The following PRKG1 variants were observed in gnomAD, a reference collection of about 807,000 sequenced individuals.
PRKG1 encodes the protein cGMP-dependent protein kinase 1.
In PRKG1, 35 loss-of-function variants were observed where a neutral mutation model predicts 88.1. The observed-to-expected ratio is 0.40, with a 90% CI of 0.30 to 0.53. The LOEUF (loss-of-function observed/expected upper bound fraction) is 0.53, where lower values mean the gene tolerates loss of function less well. PRKG1 is among the 20% of genes least tolerant of loss of function. The probability of loss-of-function intolerance (pLI) is 0.59; values close to 1 mark genes in which losing one functional copy is unlikely to be tolerated. For missense variants in PRKG1, 540 were observed against 839.8 expected (o/e 0.64, Z 4.41); for synonymous variants, 303 against 292.5 (o/e 1.04, Z -0.37).
chr10:51,799,663 T>C (rs184705696), intron 3 of PRKG1, among the ~76,000 whole-genome samples: 1 of 152,118 alleles, frequency 6.6e-6, no homozygotes, highest in East Asian at 1.9e-4. Flanking sequence ...AATGGCTGTT[T>C]ACTAAATAGT....
chr10:52,007,274 C>G (rs1212921225), intron 5 of PRKG1, among the ~76,000 whole-genome samples: 3 of 152,128 alleles, frequency 2.0e-5, no homozygotes, highest in Non-Finnish European at 2.9e-5. Context: ...CCACATGTAT[C>G]AAAACTAACC....
At chr10:51,125,568 G>A (rs1395310528) in intron 1 of PRKG1, among the ~76,000 whole-genome samples, 1 of 149,270 alleles carries the variant, frequency 6.7e-6, no homozygotes, top group African/African-American at 2.4e-5. Flanking sequence ...TGTAATCCCA[G>A]CTACTTGGGA....
intron 2 of PRKG1, among the ~76,000 whole-genome samples, chr10:51,232,845 G>A (rs990392938): frequency 6.6e-6 from 1 of 152,136 alleles, no homozygotes; most frequent in East Asian, 1.9e-4. Flanking sequence ...AGTGTCAGCT[G>A]CACTTATCAG....
At chr10:51,591,242 A>T (rs1432659885) in intron 3 of PRKG1, among the ~76,000 whole-genome samples, 1 of 152,218 alleles carries the variant, frequency 6.6e-6, no homozygotes, top group African/African-American at 2.4e-5. Context: ...AGTTCTAAGA[A>T]AAGACATTTA....
At chr10:51,690,007 T>G (rs67262175) in intron 3 of PRKG1, among the ~76,000 whole-genome samples, 28,848 of 152,042 alleles carry the variant, frequency 0.19, 3,104 homozygotes, top group African/African-American at 0.29. Flanking sequence ...TTGGCTCATG[T>G]TTCTGCAGGC....
chr10:52,129,959 A>T (rs892922838), intron 7 of PRKG1, among the ~76,000 whole-genome samples: 1 of 152,158 alleles, frequency 6.6e-6, no homozygotes, highest in African/African-American at 2.4e-5. Context: ...GGACAGCCAG[A>T]TCTGTGTTCA....
At chr10:51,672,940 A>G (rs142450411) in intron 3 of PRKG1, among the ~76,000 whole-genome samples, 2,093 of 152,294 alleles carry the variant, frequency 0.014, 19 homozygotes, top group Non-Finnish European at 0.021. Flanking sequence ...TCATAGGCAC[A>G]TGATTTGTTC....
chr10:51,165,177 C>A (rs1846501350), intron 2 of PRKG1, among the ~76,000 whole-genome samples: 1 of 152,098 alleles, frequency 6.6e-6, no homozygotes, highest in Non-Finnish European at 1.5e-5. Context: ...AAAGGGAAGC[C>A]CATCAGACTA....
intron 2 of PRKG1, among the ~76,000 whole-genome samples, chr10:51,458,918 A>C (rs963222776): frequency 2.6e-5 from 4 of 152,162 alleles, no homozygotes; most frequent in South Asian, 2.1e-4. Flanking sequence ...TTTGATATAC[A>C]TAGGTGTCAT....
At chr10:51,226,891 A>G (rs1159823080) in intron 2 of PRKG1, among the ~76,000 whole-genome samples, 1 of 152,122 alleles carries the variant, frequency 6.6e-6, no homozygotes. Flanking sequence ...TGAAATTGAG[A>G]ATTTTTCAGG....
At chr10:51,761,828 C>T (rs1381548418) in intron 3 of PRKG1, among the ~76,000 whole-genome samples, 6 of 152,036 alleles carry the variant, frequency 3.9e-5, no homozygotes, top group African/African-American at 1.2e-4. Context: ...TTCTGTCTTT[C>T]TAAGACACAA....
At chr10:52,076,483 G>A (rs1211969076) in intron 7 of PRKG1, among the ~76,000 whole-genome samples, 2 of 152,182 alleles carry the variant, frequency 1.3e-5, no homozygotes, top group East Asian at 1.9e-4. Flanking sequence ...CTTGAACCCA[G>A]GAGGCAGAGG....
chr10:51,672,696 C>T (rs1312688483), intron 3 of PRKG1, among the ~76,000 whole-genome samples: 1 of 152,126 alleles, frequency 6.6e-6, no homozygotes, highest in African/African-American at 2.4e-5. Context: ...AGAGAAAATA[C>T]ATGTTTACAT....
chr10:51,820,039 A>G (rs1839701983), intron 4 of PRKG1, among the ~76,000 whole-genome samples: 1 of 152,162 alleles, frequency 6.6e-6, no homozygotes, highest in Non-Finnish European at 1.5e-5. Flanking sequence ...TTATAAATTA[A>G]TAAAGAATAT....
chr10:51,942,996 A>G (rs1260085705), intron 5 of PRKG1, among the ~76,000 whole-genome samples: 1 of 151,992 alleles, frequency 6.6e-6, no homozygotes, highest in Non-Finnish European at 1.5e-5. Context: ...GAAGCAAGTC[A>G]TTGGTAGCTT....
chr10:51,007,184 A>T (rs1192771751), intron 1 of PRKG1, among the ~76,000 whole-genome samples: 3 of 151,894 alleles, frequency 2.0e-5, no homozygotes, highest in Non-Finnish European at 2.9e-5. Flanking sequence ...TGACCTCGTG[A>T]TCCACCCACT....
At chr10:51,991,406 G>A (rs1024014810) in intron 5 of PRKG1, among the ~76,000 whole-genome samples, 63 of 151,770 alleles carry the variant, frequency 4.2e-4, no homozygotes, top group Non-Finnish European at 1.5e-4. Flanking sequence ...TATACTTTAA[G>A]TTCTAGGGTA....
chr10:51,849,538 T>C (rs74550291), intron 4 of PRKG1, among the ~76,000 whole-genome samples: 9 of 152,318 alleles, frequency 5.9e-5, no homozygotes, highest in Non-Finnish European at 1.2e-4. Flanking sequence ...TTGCACTTTT[T>C]TTCTGGAGTT....
intron 3 of PRKG1, among the ~76,000 whole-genome samples, chr10:51,706,336 G>A (rs1368993184): frequency 6.6e-6 from 1 of 152,190 alleles, no homozygotes; most frequent in Non-Finnish European, 1.5e-5. Context: ...CTTCCAAAGT[G>A]CTGGGAGTGA....
Sources: gnomAD v4.1 joint callset for allele counts (sites outside exome capture counted in the v4.1 genomes callset) on GRCh38, gnomAD v4.1.1 for gene constraint, MANE v1.5 for transcripts, NCBI Gene and HGNC (gene_info 2026-07-23, HGNC 2026-07-21) for gene names.